ZRANB3: variants seen among roughly 807,000 people sequenced by gnomAD.
ZRANB3 encodes the protein zinc finger RANBP2-type containing 3.
ZRANB3 carries 125 observed loss-of-function variants against 133.8 expected under a neutral mutation model. The ratio of observed to expected loss-of-function variants is 0.93; its 90% CI spans 0.81 to 1.08. ZRANB3 has a LOEUF of 1.08. Among genes scored for constraint, ZRANB3 ranks in the 50% least tolerant of loss-of-function variants. The probability of loss-of-function intolerance (pLI) is 0.00; values close to 1 mark genes in which losing one functional copy is unlikely to be tolerated. For synonymous variants in ZRANB3, 387 were observed against 432.7 expected, an observed-to-expected ratio of 0.89 and a Z score of 1.31; for missense variants, 1,229 against 1,275.5, an observed-to-expected ratio of 0.96 and a Z score of 0.56.
rs565021755 is a variant in ZRANB3, at chr2:135,308,812, C to G, written c.966+4677G>C. ...TCCTTCACTTATAGTAGTGCTAGAA[C>G]ATTAGCTATTTTCTTCATATCCACC... On this transcript the variant is annotated intron_variant, in intron 8 of 20. Transcript: ENST00000264159. Among the ~76,000 whole-genome samples, 4 of 151,830 alleles carry G rather than the reference C, an allele frequency of 2.6e-5. No homozygotes were observed. The South Asian group carries it at 8.4e-4, about 32-fold the overall frequency.
chr2:135,431,463 G>A (rs1184994561), intron 2 of ZRANB3, among the ~76,000 whole-genome samples: 1 of 151,934 alleles, frequency 6.6e-6, no homozygotes, highest in Non-Finnish European at 1.5e-5. Context: ...GACACAAAAA[G>A]TATGAAAAGT....
intron 4 of ZRANB3, 56 bp from the exon 5 acceptor site, chr2:135,350,271 A>G: frequency 7.7e-7 from 1 of 1,295,892 alleles, no homozygotes; most frequent in Non-Finnish European, 1.1e-6. Context: ...GTTATCATGA[A>G]CAATACAACT....
intron 3 of ZRANB3, among the ~76,000 whole-genome samples, chr2:135,381,985 T>C (rs1686723062): frequency 6.6e-6 from 1 of 152,192 alleles, no homozygotes; most frequent in Non-Finnish European, 1.5e-5. Flanking sequence ...AGAACAAAGC[T>C]GGACGGAGAA....
intron 6 of ZRANB3, among the ~76,000 whole-genome samples, chr2:135,319,711 T>C (rs1159366985): frequency 2.0e-5 from 3 of 152,154 alleles, no homozygotes; most frequent in African/African-American, 4.8e-5. Flanking sequence ...CACTCACCCA[T>C]TACCAGGATT....
chr2:135,349,975 T>C lies in ZRANB3; in HGVS notation c.591+9A>G, dbSNP rs760993299. 6 of 1,612,084 alleles carry C rather than the reference T, an allele frequency of 3.7e-6. No individual in the cohort carries two copies. In the African/African-American group the frequency reaches 8.0e-5, roughly 22 times the overall value. ...TTCTTTTAAGTTCGAAGTATAAGGA[T>C]TGTAATACCTCTTCAGGCCTTCCTA... On this transcript the variant is annotated intron_variant, in intron 5 of 20. Transcript: ENST00000264159.
intron 12 of ZRANB3, among the ~76,000 whole-genome samples, chr2:135,245,926 CAAAAAAA>C (rs1177438717): frequency 1.5e-4 from 3 of 19,552 alleles, no homozygotes; most frequent in African/African-American, 2.9e-4. Context: ...AACTCCGTCT[CAAAAAAA>C]AAAAAAAAAA....
chr2:135,286,353 C>CAA (rs1226473292), intron 8 of ZRANB3, among the ~76,000 whole-genome samples: 2 of 152,218 alleles, frequency 1.3e-5, no homozygotes, highest in Non-Finnish European at 2.9e-5. Context: ...TCTCGGCTCA[C>CAA]AACAACCTCC....
At chr2:135,510,477 G>A (rs534461904) in intron 1 of ZRANB3, 5 of 530,432 alleles carry the variant, frequency 9.4e-6, no homozygotes, top group Non-Finnish European at 1.7e-5. Flanking sequence ...GATACCAAAG[G>A]CTGGTCAAAG....
chr2:135,524,904 A>G (rs184967750), intron 1 of ZRANB3, among the ~76,000 whole-genome samples: 41 of 152,208 alleles, frequency 2.7e-4, no homozygotes, highest in Admixed American at 2.6e-3. Flanking sequence ...ATACCAAAAA[A>G]ATTACAGATA....
At chr2:135,442,233 G>A (rs1022047506) in intron 2 of ZRANB3, among the ~76,000 whole-genome samples, 1 of 152,110 alleles carries the variant, frequency 6.6e-6, no homozygotes, top group African/African-American at 2.4e-5. Context: ...CACAGCAAAA[G>A]AAACTACCAG....
chr2:135,405,005 A>T (rs187155343), intron 2 of ZRANB3, among the ~76,000 whole-genome samples: 38 of 152,356 alleles, frequency 2.5e-4, no homozygotes, highest in Admixed American at 3.3e-4. Context: ...AAATGCTCCA[A>T]TTAAAAGACA....
intron 3 of ZRANB3, among the ~76,000 whole-genome samples, chr2:135,382,288 A>G (rs1010265456): frequency 6.6e-6 from 1 of 152,344 alleles, no homozygotes; most frequent in East Asian, 1.9e-4. Flanking sequence ...AGAGAAGTTT[A>G]GAGAAAAAAG....
At chr2:135,466,845 T>G (rs1002953176) in intron 2 of ZRANB3, among the ~76,000 whole-genome samples, 2 of 151,988 alleles carry the variant, frequency 1.3e-5, no homozygotes, top group African/African-American at 4.8e-5. Context: ...ACTCAGCTAA[T>G]TTTTGTATTT....
chr2:135,456,438 C>T (rs1366246452), intron 2 of ZRANB3, among the ~76,000 whole-genome samples: 2 of 152,178 alleles, frequency 1.3e-5, no homozygotes, highest in South Asian at 2.1e-4. Flanking sequence ...GAAAAGTAGG[C>T]TAGCTATATC....
intron 2 of ZRANB3, among the ~76,000 whole-genome samples, chr2:135,422,632 A>C (rs1402971347): frequency 2.6e-5 from 4 of 152,192 alleles, no homozygotes; most frequent in African/African-American, 9.7e-5. Context: ...AATAGGGGAC[A>C]GACCAGAAAA....
chr2:135,366,446 A>T (rs1196521117), intron 3 of ZRANB3, among the ~76,000 whole-genome samples: 2 of 152,212 alleles, frequency 1.3e-5, no homozygotes, highest in Non-Finnish European at 2.9e-5. Context: ...ACAACAATTG[A>T]CTAAAAATTG....
chr2:135,255,548 G>T (rs556130476), intron 12 of ZRANB3, among the ~76,000 whole-genome samples: 4 of 152,182 alleles, frequency 2.6e-5, no homozygotes, highest in African/African-American at 4.8e-5. Flanking sequence ...TTCATGACTT[G>T]CTAATAAAAA....
At chr2:135,316,253 C>T (rs1683246759) in intron 6 of ZRANB3, among the ~76,000 whole-genome samples, 1 of 152,304 alleles carries the variant, frequency 6.6e-6, no homozygotes, top group East Asian at 1.9e-4. Flanking sequence ...ACAAGTTATT[C>T]TCTAGACCTT....
intron 6 of ZRANB3, among the ~76,000 whole-genome samples, chr2:135,327,607 G>A (rs1295597084): frequency 1.3e-5 from 2 of 152,058 alleles, no homozygotes; most frequent in African/African-American, 4.8e-5. Flanking sequence ...ATACTGGAAG[G>A]AGAACAGAAG....
Sources: allele counts gnomAD v4.1 joint callset (sites outside exome capture counted in the v4.1 genomes callset), GRCh38; gene constraint gnomAD v4.1.1; transcripts MANE v1.5; gene names NCBI Gene and HGNC (gene_info 2026-07-23, HGNC 2026-07-21).